LPAR1: variants seen among roughly 807,000 people sequenced by gnomAD.
The protein encoded by LPAR1 is LPA receptor 1.
In LPAR1, 5 loss-of-function variants were observed where a neutral mutation model predicts 23.8. The ratio of observed to expected loss-of-function variants is 0.21; its 90% CI spans 0.11 to 0.44. The LOEUF is 0.44. LPAR1 is among the 20% of genes least tolerant of loss of function. The probability of loss-of-function intolerance (pLI) is 0.99; values close to 1 mark genes in which losing one functional copy is unlikely to be tolerated. For missense variants in LPAR1, 311 were observed against 482.8 expected (o/e 0.64, Z 3.33); for synonymous variants, 160 against 164.7 (o/e 0.97, Z 0.22).
chr9:110,990,632 C>T (rs1290485808), intron 2 of LPAR1, among the ~76,000 whole-genome samples: 1 of 151,856 alleles, frequency 6.6e-6, no homozygotes, highest in Non-Finnish European at 1.5e-5. Context: ...GCATTAAACA[C>T]CTATAATAGA....
intron 5 of LPAR1, among the ~76,000 whole-genome samples, chr9:110,905,034 C>T (rs2090740854): frequency 6.6e-6 from 1 of 152,214 alleles, no homozygotes; most frequent in South Asian, 2.1e-4. Context: ...TCATTTCTTT[C>T]CCACCTCTGG....
intron 5 of LPAR1, among the ~76,000 whole-genome samples, chr9:110,915,650 C>T (rs1464296010): frequency 1.3e-5 from 2 of 152,142 alleles, no homozygotes; most frequent in Non-Finnish European, 2.9e-5. Context: ...TACACACATA[C>T]ATATGTCCAC....
intron 4 of LPAR1, among the ~76,000 whole-genome samples, chr9:110,964,294 AAT>A (rs1491491155): frequency 8.9e-5 from 13 of 145,740 alleles, no homozygotes; most frequent in South Asian, 4.2e-4. Flanking sequence ...GTTTTTAAAA[AAT>A]AAAAATAAAT....
intron 4 of LPAR1, among the ~76,000 whole-genome samples, chr9:110,967,647 G>A (rs1342852651): frequency 6.6e-6 from 1 of 152,198 alleles, no homozygotes; most frequent in Non-Finnish European, 1.5e-5. Flanking sequence ...AGGCTAAGGT[G>A]ACTGAGTGAG....
In LPAR1 at chr9:111,033,486, G is replaced by A. The variant is rs1294413933; in HGVS notation, c.-182+2636C>T. On this transcript the variant is annotated intron_variant, in intron 2 of 5. Transcript: ENST00000683809. ...AGAAGATAAAACAAACTGCTGGGAA[G>A]ATCATTCATTAAATTGAATTCACAA... Among the ~76,000 whole-genome samples, 3 of 152,162 alleles carry A rather than the reference G, an allele frequency of 2.0e-5. No individual in the cohort carries two copies. The South Asian group carries it at 6.2e-4, about 32-fold the overall frequency.
At chr9:111,036,448 T>TGG (rs2141849347) in intron 1 of LPAR1, among the ~76,000 whole-genome samples, 1 of 151,944 alleles carries the variant, frequency 6.6e-6, no homozygotes, top group Admixed American at 6.5e-5. Flanking sequence ...CCTCTGTTGC[T>TGG]TGTTTTCTTC....
chr9:110,948,723 A>G (rs921291363), intron 4 of LPAR1, among the ~76,000 whole-genome samples: 10 of 152,152 alleles, frequency 6.6e-5, no homozygotes, highest in Non-Finnish European at 1.3e-4. Flanking sequence ...CTAAGCTAAG[A>G]GGGAACTTAA....
rs538678885 is a variant in LPAR1 at position 110,939,680 on chromosome 9, A to G, written c.793+1741T>C. ...AAAGAGGCACAAAAGTATGTGAATC[A>G]TTCAGTACATTGCACACTGGAATAC... On this transcript the variant is annotated intron_variant, in intron 5 of 5. Transcript: ENST00000683809. Among the ~76,000 whole-genome samples, 383 of 146,444 alleles carry G rather than the reference A, an allele frequency of 2.6e-3. 2 individuals carry two copies. The highest frequency in any genetic ancestry group is 2.8e-3 in the Non-Finnish European group (184 of 66,592).
chr9:110,906,943 G>A (rs930340424), intron 5 of LPAR1, among the ~76,000 whole-genome samples: 1 of 152,020 alleles, frequency 6.6e-6, no homozygotes, highest in African/African-American at 2.4e-5. Flanking sequence ...ATGCAAAAGG[G>A]ATTCAGATTA....
rs1022596550 is a variant in LPAR1 at position 110,973,553 on chromosome 9, G to A, written c.-176C>T. 14 of 152,156 alleles carry A rather than the reference G, an allele frequency of 9.2e-5. No individual in the cohort carries two copies. Among genetic ancestry groups the A allele is most frequent in the African/African-American group, 2.9e-4 (12 of 41,434 alleles). The allele number at this position is 152,156 out of a possible 1,614,324, so 9.4% of individuals were successfully genotyped here. A position where few individuals can be genotyped will look rare whatever the true frequency, so the allele number is the denominator to read the frequency against. On this transcript the variant is annotated 5_prime_UTR_variant, in exon 3 of 6. In the 5' UTR this introduces an upstream ATG that the reference lacks. Coordinates refer to ENST00000683809, the MANE Select transcript of LPAR1 (RefSeq NM_001351411.2). ...GGATGGGGAGCTTCATAAATCAGAC[G>A]TCCACCTGTGTGAGAAAGAGAACAT...
chr9:110,892,840 GGCAGGCAGGCAGGCAGGCAGGCAGGCAT>G (rs746062240), intron 5 of LPAR1, among the ~76,000 whole-genome samples: 12,049 of 133,076 alleles, frequency 0.091, 931 homozygotes, highest in Admixed American at 0.18. Flanking sequence ...CAGGCAGGCA[GGCAGGCAGGCAGGCAGGCAGGCAGGCAT>G]GCAGGCAGGC....
intron 2 of LPAR1, among the ~76,000 whole-genome samples, chr9:111,015,066 T>A (rs2097415201): frequency 6.6e-6 from 1 of 151,944 alleles, no homozygotes; most frequent in African/African-American, 2.4e-5. Flanking sequence ...AAAAACCACA[T>A]GAAGACACGG....
rs1303167383 is a variant in LPAR1, at chr9:110,874,248, TTAAA to T, written c.*1169_*1172del. The T allele has an allele frequency of 1.3e-5, 2 of 152,550 alleles. No individual in the cohort carries two copies. The highest frequency in any genetic ancestry group is 1.9e-4 in the East Asian group (1 of 5,202). 9.4% of individuals were successfully genotyped at this position (152,550 alleles called of 1,614,324 possible). A position where few individuals can be genotyped will look rare whatever the true frequency, so the allele number is the denominator to read the frequency against. ...TAAATAGTTAACAACATGGGAATGG[TTAAA>T]TAAACTGAGTTGCATCCATTAAATG... On this transcript the variant is annotated 3_prime_UTR_variant, in exon 6 of 6. Coordinates refer to ENST00000683809, the MANE Select transcript of LPAR1 (RefSeq NM_001351411.2).
intron 2 of LPAR1, among the ~76,000 whole-genome samples, chr9:111,012,469 GCACACACACACACACACACACA>G (rs3030186): frequency 6.7e-6 from 1 of 149,968 alleles, no homozygotes; most frequent in Non-Finnish European, 1.5e-5. Flanking sequence ...ACGCACGCGC[GCACACACACACACACACACACA>G]CACATACACA....
intron 5 of LPAR1, among the ~76,000 whole-genome samples, chr9:110,881,664 C>T (rs2080882282): frequency 6.6e-6 from 1 of 152,154 alleles, no homozygotes; most frequent in Non-Finnish European, 1.5e-5. Context: ...CCAGGTAAAA[C>T]CACTTCTCCA....
Position 110,978,234 on chromosome 9 carries a change from A to G in LPAR1, c.-181-4676T>C, listed in dbSNP as rs141291083. ...AAGAGTCTGCGCTAACCAGAAAAGAAAATCTGAATTATGAACTTGAATAAA... is the reference window on the plus strand; with the variant it reads ...AAGAGTCTGCGCTAACCAGAAAAGAGAATCTGAATTATGAACTTGAATAAA... On this transcript the variant is annotated intron_variant, in intron 2 of 5. Transcript: ENST00000683809. 4.3e-4 allele frequency among the ~76,000 whole-genome samples: 66 copies of G among 152,276 alleles called. 1 individual carries two copies. The East Asian group carries it at 0.011, about 26-fold the overall frequency.
intron 5 of LPAR1, among the ~76,000 whole-genome samples, chr9:110,934,803 TAACTG>T (rs1439550073): frequency 6.6e-6 from 1 of 151,048 alleles, no homozygotes; most frequent in Non-Finnish European, 1.5e-5. Context: ...TCAGTGAATA[TAACTG>T]AACACACACA....
intron 5 of LPAR1, among the ~76,000 whole-genome samples, chr9:110,925,168 T>C (rs1026742105): frequency 5.3e-5 from 8 of 151,990 alleles, no homozygotes; most frequent in South Asian, 2.1e-4. Context: ...AGGAGACAAA[T>C]AGGCTTAGTG....
chr9:110,980,326 C>G (rs1303214497), intron 2 of LPAR1, among the ~76,000 whole-genome samples: 1 of 151,798 alleles, frequency 6.6e-6, no homozygotes, highest in Non-Finnish European at 1.5e-5. Flanking sequence ...AGATTAAATG[C>G]AAATATCAAA....
Sources: allele counts gnomAD v4.1 joint callset (sites outside exome capture counted in the v4.1 genomes callset), GRCh38; gene constraint gnomAD v4.1.1; transcripts MANE v1.5; gene names NCBI Gene and HGNC (gene_info 2026-07-23, HGNC 2026-07-21).